The following OCA2 variants were observed in gnomAD, a reference collection of about 807,000 sequenced individuals.
OCA2 encodes the protein OCA2 melanosomal transmembrane protein.
Under a neutral mutation model 100.2 loss-of-function variants are expected in OCA2, and 77 were observed. That is an observed-to-expected ratio of 0.77 (90% confidence interval 0.64 to 0.93). OCA2 has a LOEUF of 0.93. Ranked by LOEUF, OCA2 falls within the 40% of genes least tolerant of loss-of-function variation. OCA2 has a pLI of 0.00. For synonymous variants in OCA2, 432 were observed against 439.2 expected, an observed-to-expected ratio of 0.98 and a Z score of 0.21; for missense variants, 1,062 against 1,089.1, an observed-to-expected ratio of 0.98 and a Z score of 0.35.
In OCA2 at chr15:27,858,158, G is replaced by A. The variant is rs2036007564; in HGVS notation, c.2245-6683C>T. On this transcript the variant is annotated intron_variant, in intron 21 of 23. Transcript: ENST00000354638. ...ATGGATTAAACTCTCCTGTTCACCT[G>A]AGGTCAGGAGTTCAAGACCAGCCTG... Among the ~76,000 whole-genome samples the A allele has an allele frequency of 2.6e-5, 4 of 152,238 alleles. No individual in the cohort carries two copies. The South Asian group carries it at 8.3e-4, about 32-fold the overall frequency.
intron 18 of OCA2, among the ~76,000 whole-genome samples, chr15:27,930,572 C>G (rs1308235265): frequency 1.3e-5 from 2 of 150,536 alleles, no homozygotes; most frequent in Middle Eastern, 3.5e-3. Context: ...ACAACCCAGT[C>G]ATTTAGTATT....
At chr15:27,939,439 G>A (rs1180764054) in intron 18 of OCA2, among the ~76,000 whole-genome samples, 1 of 152,180 alleles carries the variant, frequency 6.6e-6, no homozygotes, top group Admixed American at 6.5e-5. Flanking sequence ...TATCATGAAG[G>A]AGTAGAATTA....
intron 19 of OCA2, among the ~76,000 whole-genome samples, chr15:27,898,611 C>T (rs1322580015): frequency 6.6e-6 from 1 of 152,126 alleles, no homozygotes; most frequent in Non-Finnish European, 1.5e-5. Flanking sequence ...TGAGAACAGA[C>T]TAATAAAGCC....
intron 19 of OCA2, among the ~76,000 whole-genome samples, chr15:27,883,448 C>T (rs79148653): frequency 0.016 from 2,372 of 152,234 alleles, 57 homozygotes; most frequent in African/African-American, 0.05. Flanking sequence ...CCGGTTAAAA[C>T]ACTCTTTTCT....
intron 23 of OCA2, among the ~76,000 whole-genome samples, chr15:27,765,644 T>C (rs549627353): frequency 2.6e-5 from 4 of 152,342 alleles, no homozygotes; most frequent in Admixed American, 2.6e-4. Context: ...TAATCTTGAG[T>C]TGGTCTGGAG....
chr15:27,837,495 C>T (rs2035197417), intron 23 of OCA2, among the ~76,000 whole-genome samples: 2 of 152,184 alleles, frequency 1.3e-5, no homozygotes, highest in South Asian at 4.1e-4. Flanking sequence ...CAATTCCCAG[C>T]CAAGCTATCT....
intron 23 of OCA2, among the ~76,000 whole-genome samples, chr15:27,810,157 G>T (rs2151214376): frequency 6.6e-6 from 1 of 152,276 alleles, no homozygotes; most frequent in South Asian, 2.1e-4. Flanking sequence ...GCATGGTACT[G>T]GTATAAAAGT....
intron 18 of OCA2, among the ~76,000 whole-genome samples, chr15:27,933,972 T>C (rs868248518): frequency 2.2e-4 from 34 of 152,190 alleles, no homozygotes; most frequent in South Asian, 2.1e-4. Flanking sequence ...CATATGTATT[T>C]GATATATACA....
intron 19 of OCA2, among the ~76,000 whole-genome samples, chr15:27,898,411 G>A (rs999408742): frequency 6.6e-6 from 1 of 152,182 alleles, no homozygotes; most frequent in Non-Finnish European, 1.5e-5. Context: ...ATGAATTTCA[G>A]AATATCTGAT....
In OCA2 at chr15:28,014,802, C is replaced by T. The variant is rs2042337455; in HGVS notation, c.1018G>A (p.Gly340Ser). 5 of 1,613,796 alleles carry T rather than the reference C, an allele frequency of 3.1e-6. No individual in the cohort carries two copies. In the East Asian group the frequency reaches 8.9e-5, roughly 29 times the overall value. ...TCAAATATGATCAGCGCGTAGACGCCCGCGAGGATGGCCGTCGCGATGGTC... is the reference window on the plus strand; with the variant it reads ...TCAAATATGATCAGCGCGTAGACGCTCGCGAGGATGGCCGTCGCGATGGTC... ...QVTIATAILA[G>S]VYALIIFEIV... Residue 340 changes from glycine (G) to serine (S), a missense_variant, in exon 9 of 24, where the codon GGC becomes AGC. By Grantham distance (56) the Gly-to-Ser change is moderately conservative. Coordinates refer to ENST00000354638, the MANE Select transcript of OCA2 (RefSeq NM_000275.3).
At chr15:27,815,874 A>G (rs1210976547) in intron 23 of OCA2, among the ~76,000 whole-genome samples, 7 of 152,244 alleles carry the variant, frequency 4.6e-5, no homozygotes, top group African/African-American at 7.2e-5. Context: ...GCTCACGCCT[A>G]TAATCCCAGC....
At chr15:27,751,590 G>A (rs1453714271), downstream of OCA2, among the ~76,000 whole-genome samples, 1 of 152,216 alleles carries the variant, frequency 6.6e-6, no homozygotes, top group Non-Finnish European at 1.5e-5. Flanking sequence ...AGGCTGCAAG[G>A]TTTGAGGGGG....
At position 27,945,047 on chromosome 15, in the gene OCA2, C is replaced by G. The variant is rs185905297; in HGVS notation, c.1951+6737G>C. 5.0e-4 allele frequency among the ~76,000 whole-genome samples: 76 copies of G among 152,308 alleles called. 1 individual carries two copies. Among genetic ancestry groups the G allele is most frequent in the Middle Eastern group, 3.4e-3 (1 of 292 alleles). ...CACTAGCCCCAATCAACCCCTAGGC[C>G]ACTGCCTGCATGTGTTGTACAAATG... is the stretch of plus-strand genomic sequence containing the variant. On this transcript the variant is annotated intron_variant, in intron 18 of 23. Coordinates refer to ENST00000354638, the MANE Select transcript of OCA2 (RefSeq NM_000275.3).
rs527411499 is a variant in OCA2, at chr15:27,821,505, CAT to C, written c.2432+23452_2432+23453del. The stretch of plus-strand genomic sequence containing the variant: ...ATGCACGCACACCCACACAGGTATA[CAT>C]GTGTACACACCAAATCATAATTCAC... On this transcript the variant is annotated intron_variant, in intron 23 of 23. Coordinates refer to ENST00000354638, the MANE Select transcript of OCA2 (RefSeq NM_000275.3). Among the ~76,000 whole-genome samples, 638 of 152,240 alleles carry C rather than the reference CAT, an allele frequency of 4.2e-3. 6 individuals carry two copies. The highest frequency in any genetic ancestry group is 0.015 in the African/African-American group (617 of 41,536).
chr15:28,026,928 C>T (rs1437536202), intron 4 of OCA2, among the ~76,000 whole-genome samples: 3 of 152,164 alleles, frequency 2.0e-5, no homozygotes, highest in Non-Finnish European at 4.4e-5. Context: ...CCGTGAGAGG[C>T]CACAAAGCCA....
chr15:28,087,922 C>T lies in OCA2; in HGVS notation c.-21-6027G>A, dbSNP rs199673005. On this transcript the variant is annotated intron_variant, in intron 1 of 23. Transcript: ENST00000354638. ...ATTGAAAATACAAAAAATAGCCAGG[C>T]GTGGTGGCAGACACCTGTAATCCTA... Among the ~76,000 whole-genome samples, 34 of 152,122 alleles carry T rather than the reference C, an allele frequency of 2.2e-4. 1 individual carries two copies. In the East Asian group the frequency reaches 6.2e-3, roughly 28 times the overall value.
the OCA2 span, among the ~76,000 whole-genome samples, chr15:27,723,089 C>T: frequency 2.0e-5 from 3 of 151,932 alleles, no homozygotes; most frequent in South Asian, 2.1e-4. Flanking sequence ...GTGATCCGCC[C>T]GCCTCACCCT....
chr15:27,902,218 T>A (rs2037973492), intron 19 of OCA2, among the ~76,000 whole-genome samples: 1 of 151,168 alleles, frequency 6.6e-6, no homozygotes, highest in Non-Finnish European at 1.5e-5. Flanking sequence ...TTGTTGTTGT[T>A]GTTTTTTTCT....
chr15:28,033,107 T>G (rs1284725347), intron 2 of OCA2, among the ~76,000 whole-genome samples: 2 of 152,212 alleles, frequency 1.3e-5, no homozygotes, highest in African/African-American at 2.4e-5. Flanking sequence ...ATCATTTAAA[T>G]CAGGAGCTTG....
Sources: gnomAD v4.1 joint callset for allele counts (sites outside exome capture counted in the v4.1 genomes callset) on GRCh38, gnomAD v4.1.1 for gene constraint, MANE v1.5 for transcripts, NCBI Gene and HGNC (gene_info 2026-07-23, HGNC 2026-07-21) for gene names.